The following FSTL3 variants were observed in gnomAD, a reference collection of about 807,000 sequenced individuals.
FSTL3 encodes the protein follistatin-related protein 3.
In FSTL3, 21 loss-of-function variants were observed where a neutral mutation model predicts 28.1. The ratio of observed to expected loss-of-function variants is 0.75; its 90% CI spans 0.53 to 1.08. The LOEUF is 1.08. Among genes scored for constraint, FSTL3 ranks in the 50% least tolerant of loss-of-function variants. The pLI, the probability that FSTL3 is intolerant of heterozygous loss-of-function variation, is 0.00. For missense variants in FSTL3, 400 were observed against 380.9 expected (o/e 1.05, Z -0.42); for synonymous variants, 199 against 164.2 (o/e 1.21, Z -1.62).
chr19:680,587 T>C (rs1456322301), intron 3 of FSTL3, 98 bp downstream of exon 3: 1 of 236,984 alleles, frequency 4.2e-6, no homozygotes, highest in Non-Finnish European at 5.9e-6. Context: ...GGGCGGGGCC[T>C]GGGGCGGGAC....
intron 2 of FSTL3, among the ~76,000 whole-genome samples, chr19:678,500 T>A (rs994218067): frequency 2.2e-5 from 1 of 45,780 alleles, no homozygotes; most frequent in East Asian, 4.7e-4. Flanking sequence ...AGGATGATGG[T>A]TTTTTTTTTT....
In FSTL3 at chr19:680,438, C is replaced by A; in HGVS notation, c.454C>A (p.Arg152Ser). 7.9e-7 allele frequency: 1 copy of A among 1,264,864 alleles called. No homozygotes were observed. The highest frequency in any genetic ancestry group is 9.9e-7 in the Non-Finnish European group (1 of 1,007,362). 78.4% of individuals were successfully genotyped at this position (1,264,864 alleles called of 1,614,324 possible). ...CGACGAGTGCGAGCTGCGCGCCGCG[C>A]GCTGCCGCGGCCACCCGGACCTGAG... Reference protein sequence around the residue: ...YRDECELRAARCRGHPDLSVM... With the variant: ...YRDECELRAASCRGHPDLSVM... The change falls in exon 3 of 5, where the codon CGC becomes AGC. Residue 152 changes from arginine (R) to serine (S), a missense_variant. Transcript: ENST00000166139.
chr19:680,543 C>A (rs928374882), intron 3 of FSTL3, 54 bp downstream of exon 3: 5 of 1,006,308 alleles, frequency 5.0e-6, no homozygotes, highest in Non-Finnish European at 6.3e-6. Context: ...CGGACCTGCG[C>A]GTCATGTATC....
In FSTL3 at chr19:682,394, G is replaced by C. The variant is rs1451225278; in HGVS notation, c.*686G>C. 4.2e-6 allele frequency: 1 copy of C among 240,422 alleles called. No individual in the cohort carries two copies. The highest frequency in any genetic ancestry group is 8.2e-6 in the Non-Finnish European group (1 of 122,342). The allele number at this position is 240,422 out of a possible 1,614,324, so 14.9% of individuals were successfully genotyped here. On this transcript the variant is annotated 3_prime_UTR_variant, in exon 5 of 5. Transcript: ENST00000166139. Reference sequence around the variant, plus strand: ...TGTATGGAGGGTCTAGCCTGGGTGAGTATGGAGGGTCTAGCCTGGGTGTGT... The same window carrying C: ...TGTATGGAGGGTCTAGCCTGGGTGACTATGGAGGGTCTAGCCTGGGTGTGT...
chr19:681,490 G>C lies in FSTL3; in HGVS notation c.663G>C (p.Ser221=), dbSNP rs377720232. 6 of 1,603,852 alleles carry C rather than the reference G, an allele frequency of 3.7e-6. No individual in the cohort carries two copies. The Admixed American group carries it at 6.7e-5, about 18-fold the overall frequency. The part of the protein sequence containing the change: ...CGNNNVTYIS[S]CHMRQATCFL... ...ACAACAACGTCACCTACATCTCCTCGTGCCACATGCGCCAGGCCACCTGCT... is the reference window on the plus strand; with the variant it reads ...ACAACAACGTCACCTACATCTCCTCCTGCCACATGCGCCAGGCCACCTGCT... Residue 221 remains serine (S), a synonymous_variant, in exon 4 of 5, where the codon TCG becomes TCC. Transcript: ENST00000166139.
intron 1 of FSTL3, among the ~76,000 whole-genome samples, chr19:676,914 T>C (rs1276831160): frequency 2.0e-5 from 3 of 151,992 alleles, no homozygotes; most frequent in African/African-American, 7.2e-5. Flanking sequence ...CGAGAGGTAG[T>C]GCTGGGTGTC....
chr19:679,731 G>C (rs561061318), intron 2 of FSTL3, among the ~76,000 whole-genome samples: 1 of 152,118 alleles, frequency 6.6e-6, no homozygotes, highest in Non-Finnish European at 1.5e-5. Context: ...CTGGTTCAGA[G>C]GCCTAGGGCT....
At position 681,643 on chromosome 19, in the gene FSTL3, C is replaced by G. The variant is rs749429626; in HGVS notation, c.734-7C>G. On this transcript the variant is annotated splice_region_variant and splice_polypyrimidine_tract_variant and intron_variant, in intron 4 of 4. Transcript: ENST00000166139. ...TGCGCCCTCAATGCTCTTATCGACC[C>G]TTGCAGGCACCCCTGAGGAGCCGCC... 3.2e-6 allele frequency: 5 copies of G among 1,582,282 alleles called. No homozygotes were observed. The highest frequency in any genetic ancestry group is 4.3e-6 in the Non-Finnish European group (5 of 1,164,444).
At position 681,397 on chromosome 19, in the gene FSTL3, C is replaced by T; in HGVS notation, c.570C>T (p.Ala190=). 6.3e-6 allele frequency: 10 copies of T among 1,594,852 alleles called. No homozygotes were observed. Among genetic ancestry groups the T allele is most frequent in the Non-Finnish European group, 8.5e-6 (10 of 1,177,812 alleles). Residue 190 remains alanine (A), a synonymous_variant, in exon 4 of 5, where the codon GCC becomes GCT. Transcript: ENST00000166139. ...QSCVVDQTGS[A]HCVVCRAAPC... ...GCGTCGTGGACCAGACGGGCAGCGC[C>T]CACTGCGTGGTGTGTCGAGCGGCGC...
At chr19:678,092 G>T in intron 2 of FSTL3, 115 bp downstream of exon 2, 1 of 964,508 alleles carries the variant, frequency 1.0e-6, no homozygotes, top group Non-Finnish European at 1.5e-6. Context: ...GGGTATGTAG[G>T]AGGCTGCAGG....
intron 1 of FSTL3, among the ~76,000 whole-genome samples, chr19:677,349 T>TG (rs998298433): frequency 5.3e-5 from 8 of 151,466 alleles, no homozygotes; most frequent in East Asian, 2.0e-4. Context: ...GGCCAGGCGG[T>TG]GGGGGGGCTG....
Position 680,463 on chromosome 19 carries a change from G to A in FSTL3, c.479G>A (p.Ser160Asn). ...AARCRGHPDL[S>N]VMYRGRCRKS... ...CGCTGCCGCGGCCACCCGGACCTGAGCGTCATGTACCGGGGCCGCTGCCGC... is the reference window on the plus strand; with the variant it reads ...CGCTGCCGCGGCCACCCGGACCTGAACGTCATGTACCGGGGCCGCTGCCGC... Residue 160 changes from serine (S) to asparagine (N), a missense_variant, in exon 3 of 5, where the codon AGC (serine) becomes AAC (asparagine). Coordinates refer to ENST00000166139, the MANE Select transcript of FSTL3 (RefSeq NM_005860.3). 1 of 1,258,220 alleles carries A rather than the reference G, an allele frequency of 7.9e-7. No homozygotes were observed. Among genetic ancestry groups the A allele is most frequent in the Non-Finnish European group, 1.0e-6 (1 of 1,003,026 alleles). The allele number at this position is 1,258,220 out of a possible 1,614,324, so 77.9% of individuals were successfully genotyped here.
intron 3 of FSTL3, 33 bp downstream of exon 3, chr19:680,522 G>A (rs2031306920): frequency 7.6e-6 from 9 of 1,189,386 alleles, no homozygotes; most frequent in Non-Finnish European, 9.5e-6. Context: ...GAGGGGCGGG[G>A]CGGGACCTAC....
rs1179146353 is a variant in FSTL3, at chr19:677,931, C to G, written c.243C>G (p.Ile81Met). The G allele has an allele frequency of 6.2e-7, 1 of 1,613,634 alleles. No individual in the cohort carries two copies. The highest frequency in any genetic ancestry group is 1.7e-5 in the Admixed American group (1 of 60,020). Residue 81 changes from isoleucine (I) to methionine (M), a missense_variant, in exon 2 of 5, where the codon ATC (isoleucine) becomes ATG (methionine). Physicochemically the swap from Ile to Met is conservative, Grantham distance 10 (BLOSUM62 1). Transcript: ENST00000166139. ...WSNLTHPGNK[I>M]NLLGFLGLVH... Reference sequence around the variant, plus strand: ...ACCTCACCCACCCGGGGAACAAGATCAACCTCCTCGGCTTCTTGGGCCTTG... The same window carrying G: ...ACCTCACCCACCCGGGGAACAAGATGAACCTCCTCGGCTTCTTGGGCCTTG...
intron 2 of FSTL3, among the ~76,000 whole-genome samples, chr19:678,485 A>G (rs900430065): frequency 2.8e-5 from 4 of 141,052 alleles, no homozygotes; most frequent in Non-Finnish European, 6.1e-5. Flanking sequence ...GATTCTCCGC[A>G]CTGGAGGATG....
chr19:677,713 A>T, intron 1 of FSTL3, 79 bp from the exon 2 acceptor site: 5 of 1,367,526 alleles, frequency 3.7e-6, no homozygotes, highest in Non-Finnish European at 5.0e-6. Flanking sequence ...ACTCAGCACC[A>T]CCTGCATGCA....
intron 2 of FSTL3, 76 bp downstream of exon 2, chr19:678,053 C>A: frequency 1.4e-6 from 2 of 1,422,578 alleles, no homozygotes; most frequent in Non-Finnish European, 1.9e-6. Context: ...GGTCGAGGGC[C>A]GAACGTCCAG....
Position 681,772 on chromosome 19 carries a change from A to G in FSTL3, c.*64A>G, listed in dbSNP as rs751583219. The G allele has an allele frequency of 7.3e-7, 1 of 1,366,796 alleles. No homozygotes were observed. Among genetic ancestry groups the G allele is most frequent in the Non-Finnish European group, 1.0e-6 (1 of 981,980 alleles). The allele number at this position is 1,366,796 out of a possible 1,614,324, so 84.7% of individuals were successfully genotyped here. Reference sequence around the variant, plus strand: ...CCATCATCCCCTGTTATTTATTGCCACAGCAGAGTCTAATTTATATGCCAC... The same window carrying G: ...CCATCATCCCCTGTTATTTATTGCCGCAGCAGAGTCTAATTTATATGCCAC... On this transcript the variant is annotated 3_prime_UTR_variant, in exon 5 of 5. Coordinates refer to ENST00000166139, the MANE Select transcript of FSTL3 (RefSeq NM_005860.3).
Position 678,519 on chromosome 19 carries a change from TTTTTTTC to T in FSTL3, c.289+543_289+549del, listed in dbSNP as rs1318330184. Among the ~76,000 whole-genome samples, 9 of 128,532 alleles carry T rather than the reference TTTTTTTC, an allele frequency of 7.0e-5. No individual in the cohort carries two copies. The South Asian group carries it at 8.9e-4, about 13-fold the overall frequency. The allele number at this position is 128,532 out of a possible 152,430, so 84.3% of individuals were successfully genotyped here. A position where few individuals can be genotyped will look rare whatever the true frequency, so the allele number is the denominator to read the frequency against. On this transcript the variant is annotated intron_variant, in intron 2 of 4. Transcript: ENST00000166139. Reference sequence around the variant, plus strand: ...TGATGGTTTTTTTTTTTTTTTTTTTTTTTTTTCCTGAGATGGAGCCTCGCTCTGTCAC... The same window carrying T: ...TGATGGTTTTTTTTTTTTTTTTTTTTCTGAGATGGAGCCTCGCTCTGTCAC...
Sources: gnomAD v4.1 joint callset for allele counts (sites outside exome capture counted in the v4.1 genomes callset) on GRCh38, gnomAD v4.1.1 for gene constraint, MANE v1.5 for transcripts, NCBI Gene and HGNC (gene_info 2026-07-23, HGNC 2026-07-21) for gene names.